The following PRDM2 variants were observed in gnomAD, a reference collection of about 807,000 sequenced individuals.
The protein encoded by PRDM2 is PR domain zinc finger protein 2.
PRDM2 carries 30 observed loss-of-function variants against 130.0 expected under a neutral mutation model. The observed-to-expected ratio is 0.23, with a 90% confidence interval of 0.17 to 0.31. The LOEUF is 0.31. Ranked by LOEUF, PRDM2 falls within the 10% of genes least tolerant of loss-of-function variation. PRDM2 has a pLI of 1.00. For synonymous variants in PRDM2, 871 were observed against 782.4 expected, an observed-to-expected ratio of 1.11 and a Z score of -1.89; for missense variants, 2,011 against 2,108.4, an observed-to-expected ratio of 0.95 and a Z score of 0.90.
chr1:13,779,949 T>C lies in PRDM2; in HGVS notation c.2154T>C (p.Cys718=), dbSNP rs78448061. 189 of 1,614,238 alleles carry C rather than the reference T, an allele frequency of 1.2e-4. No homozygotes were observed. The African/African-American group carries it at 2.2e-3, about 18-fold the overall frequency. ...AAATAGCTAAATTAGGTCCTGTTTG[T>C]GTGTCTGCTCCTGCATCAATGTTGC... ...ATEIAKLGPV[C]VSAPASMLPV... The change falls in exon 8 of 10, where the codon TGT becomes TGC. Residue 718 remains cysteine (C), a synonymous_variant. Transcript: ENST00000311066. This position sits in a 1 kb window ranked among gnomAD's most constrained non-coding sequence, Gnocchi z 4.9.
At chr1:13,792,880 G>C (rs1346132519) in intron 8 of PRDM2, among the ~76,000 whole-genome samples, 1 of 152,214 alleles carries the variant, frequency 6.6e-6, no homozygotes, top group African/African-American at 2.4e-5. Context: ...GATTAACCGA[G>C]TCGGAGAGAG....
In PRDM2 at chr1:13,778,613, A is replaced by C; in HGVS notation, c.818A>C (p.Glu273Ala). 6.2e-7 allele frequency: 1 copy of C among 1,613,794 alleles called. No individual in the cohort carries two copies. The highest frequency in any genetic ancestry group is 1.3e-5 in the African/African-American group (1 of 75,024). Residue 273 changes from glutamate to alanine, a missense_variant, in exon 8 of 10, where the codon GAA becomes GCA. Glu to Ala is a moderately radical substitution (Grantham distance 107). Coordinates refer to ENST00000311066, the MANE Select transcript of PRDM2 (RefSeq NM_001393986.1). ...VNDLGEEEEE[E>A]EEEDEEEEED... ...GATTTGGGGGAAGAGGAGGAGGAGG[A>C]AGAGGAGGAGGATGAAGAAGAAGAA...
chr1:13,798,488 A>ACT (rs202067581), intron 8 of PRDM2, among the ~76,000 whole-genome samples: 1,085 of 54,848 alleles, frequency 0.02, 13 homozygotes, highest in African/African-American at 0.18. Flanking sequence ...CCAGTATAAA[A>ACT]CTGCTAGCAA....
intron 1 of PRDM2, chr1:13,705,200 T>G (rs937044601): frequency 2.6e-5 from 4 of 152,204 alleles, no homozygotes; most frequent in Non-Finnish European, 5.9e-5. Context: ...TGTTGTCTCT[T>G]ACTATTTGTA....
At chr1:13,752,274 A>G (rs1398596150) in intron 6 of PRDM2, among the ~76,000 whole-genome samples, 2 of 152,204 alleles carry the variant, frequency 1.3e-5, no homozygotes, top group East Asian at 3.8e-4. Context: ...CATTTTTGCC[A>G]TGGGCCAAAG....
At chr1:13,748,572 C>G (rs961876429) in intron 5 of PRDM2, among the ~76,000 whole-genome samples, 4 of 152,176 alleles carry the variant, frequency 2.6e-5, no homozygotes, top group Admixed American at 2.6e-4. Context: ...AACCAATAGG[C>G]TGTTTCCCCA....
At chr1:13,748,639 G>A (rs541302463) in intron 5 of PRDM2, among the ~76,000 whole-genome samples, 16 of 152,168 alleles carry the variant, frequency 1.1e-4, no homozygotes, top group Non-Finnish European at 1.9e-4. Flanking sequence ...ATCTTGTTCT[G>A]GGTGGAATCA....
In PRDM2 at chr1:13,780,669, C is replaced by T. The variant is rs115572434; in HGVS notation, c.2874C>T (p.Ser958=). The change falls in exon 8 of 10, where the codon TCC becomes TCT. Residue 958 remains serine, a synonymous_variant. Transcript: ENST00000311066. The part of the protein sequence containing the change: ...SPALQTPSLS[S]GQLPPLLIPT... ...CCCTGCAGACACCCTCCCTTTCATCCGGTCAGCTGCCTCCTCTCTTGATCC... is the reference window on the plus strand; with the variant it reads ...CCCTGCAGACACCCTCCCTTTCATCTGGTCAGCTGCCTCCTCTCTTGATCC... 0.021 allele frequency: 33,173 copies of T among 1,611,032 alleles called. 640 individuals are homozygous for T. The highest frequency in any genetic ancestry group is 0.087 in the South Asian group (7,918 of 90,694).
chr1:13,795,851 G>A (rs1644914975), intron 8 of PRDM2, among the ~76,000 whole-genome samples: 1 of 152,182 alleles, frequency 6.6e-6, no homozygotes, highest in African/African-American at 2.4e-5. Context: ...TTTCACAGAA[G>A]TCTTTCCAAG....
chr1:13,817,553 T>C (rs1383664048), intron 9 of PRDM2, among the ~76,000 whole-genome samples: 2 of 151,462 alleles, frequency 1.3e-5, no homozygotes, highest in Non-Finnish European at 2.9e-5. Context: ...GGCCAGCATC[T>C]CAAAGTGATC....
intron 5 of PRDM2, among the ~76,000 whole-genome samples, chr1:13,748,822 GC>G (rs1297576661): frequency 2.6e-5 from 4 of 152,136 alleles, no homozygotes; most frequent in Non-Finnish European, 5.9e-5. Context: ...CAGGTTGGTG[GC>G]CCCGGGCGGC....
At chr1:13,727,474 C>T (rs1362546647) in intron 2 of PRDM2, among the ~76,000 whole-genome samples, 1 of 152,166 alleles carries the variant, frequency 6.6e-6, no homozygotes, top group African/African-American at 2.4e-5. Context: ...AGGCTGGTCT[C>T]GAACTCCTGA....
At chr1:13,788,869 G>A (rs1443732567) in intron 8 of PRDM2, among the ~76,000 whole-genome samples, 1 of 152,160 alleles carries the variant, frequency 6.6e-6, no homozygotes, top group Non-Finnish European at 1.5e-5. Context: ...GCCCTCCATG[G>A]CTGCGTCTTC....
rs1644355208 is a variant in PRDM2 at position 13,771,340 on chromosome 1, C to T, written c.512-1738C>T. ...GTTTTTTGAGTTCCATTTTAAGTGC[C>T]TTTGGAAATGAATGGATAGACAGGC... On this transcript the variant is annotated intron_variant, in intron 6 of 9. Coordinates refer to ENST00000311066, the MANE Select transcript of PRDM2 (RefSeq NM_001393986.1). This position sits in a 1 kb window ranked among gnomAD's most constrained non-coding sequence, Gnocchi z 4.1. Among the ~76,000 whole-genome samples the T allele has an allele frequency of 6.6e-6, 1 of 152,152 alleles. No homozygotes were observed. Among genetic ancestry groups the T allele is most frequent in the African/African-American group, 2.4e-5 (1 of 41,412 alleles).
intron 5 of PRDM2, among the ~76,000 whole-genome samples, chr1:13,743,961 T>A (rs1322159850): frequency 2.6e-5 from 4 of 152,222 alleles, no homozygotes; most frequent in African/African-American, 9.6e-5. Context: ...CAAGAATGCA[T>A]TGTTTCTCAG....
At chr1:13,786,621 C>G (rs1644746992) in intron 8 of PRDM2, 1 of 1,582,358 alleles carries the variant, frequency 6.3e-7, no homozygotes, top group East Asian at 2.3e-5. Context: ...CGAAATCTAC[C>G]AAGCTTGCAA....
At chr1:13,813,700 A>G (rs1007930450) in intron 8 of PRDM2, among the ~76,000 whole-genome samples, 2 of 152,218 alleles carry the variant, frequency 1.3e-5, no homozygotes, top group African/African-American at 2.4e-5. Context: ...CCATTAGGCC[A>G]GGCAGTGGAT....
At chr1:13,724,019 T>G (rs1207199739) in intron 2 of PRDM2, among the ~76,000 whole-genome samples, 1 of 152,186 alleles carries the variant, frequency 6.6e-6, no homozygotes, top group East Asian at 1.9e-4. Flanking sequence ...GAGAGTGTTG[T>G]AACAGAGCCA....
chr1:13,790,942 C>T (rs1375945595), intron 8 of PRDM2, among the ~76,000 whole-genome samples: 1 of 152,086 alleles, frequency 6.6e-6, no homozygotes, highest in East Asian at 1.9e-4. Flanking sequence ...GCTGGGTACT[C>T]TGCTGAGCAT....
Sources: gnomAD v4.1 joint callset for allele counts (sites outside exome capture counted in the v4.1 genomes callset) on GRCh38, gnomAD v4.1.1 for gene constraint, Gnocchi (gnomAD v3.1) non-coding constraint, MANE v1.5 for transcripts, NCBI Gene and HGNC (gene_info 2026-07-23, HGNC 2026-07-21) for gene names.